Variants in WASHC5 observed in about 807,000 individuals in gnomAD.
WASHC5 encodes the protein WASH complex subunit strumpellin.
A neutral mutation model predicts 150.4 loss-of-function variants in WASHC5; 101 were observed. The observed-to-expected ratio is 0.67, with a 90% CI of 0.57 to 0.79. The LOEUF is 0.79. WASHC5 is among the 30% of genes least tolerant of loss of function. WASHC5 has a pLI of 0.00. For synonymous variants in WASHC5, 467 were observed against 491.2 expected, an observed-to-expected ratio of 0.95 and a Z score of 0.65; for missense variants, 1,195 against 1,396.3, an observed-to-expected ratio of 0.86 and a Z score of 2.30.
intron 1 of WASHC5, among the ~76,000 whole-genome samples, chr8:125,086,052 TA>T (rs1160486416): frequency 6.6e-6 from 1 of 152,170 alleles, no homozygotes; most frequent in Admixed American, 6.5e-5. Flanking sequence ...AGTCAGCCCA[TA>T]CAGCACCTTA....
Position 125,032,722 on chromosome 8 carries a change from C to T in WASHC5, c.3182-328G>A, listed in dbSNP as rs752645125. ...ATGTAAATGAGAAAAAAAATCACTA[C>T]AACTGACTTCTGTTAACGGCAGCAT... On this transcript the variant is annotated intron_variant, in intron 26 of 28. Coordinates refer to ENST00000318410, the MANE Select transcript of WASHC5 (RefSeq NM_014846.4). 8 of 350,774 alleles carry T rather than the reference C, an allele frequency of 2.3e-5. No homozygotes were observed. In the East Asian group the frequency reaches 2.8e-4, roughly 12 times the overall value. The allele number at this position is 350,774 out of a possible 1,614,324, so 21.7% of individuals were successfully genotyped here.
intron 28 of WASHC5, among the ~76,000 whole-genome samples, chr8:125,027,806 TAC>T (rs1264837453): frequency 6.6e-6 from 1 of 152,212 alleles, no homozygotes; most frequent in Admixed American, 6.5e-5. Flanking sequence ...TCTCAAATAA[TAC>T]AGAGTTTGTC....
chr8:125,055,085 T>C (rs1816367225), intron 17 of WASHC5, among the ~76,000 whole-genome samples: 1 of 152,100 alleles, frequency 6.6e-6, no homozygotes, highest in Admixed American at 6.5e-5. Flanking sequence ...CTTCAAGTAC[T>C]AAGAGAAATA....
At chr8:125,033,183 A>C (rs943490173) in intron 26 of WASHC5, among the ~76,000 whole-genome samples, 4 of 152,182 alleles carry the variant, frequency 2.6e-5, no homozygotes, top group African/African-American at 9.7e-5. Flanking sequence ...GTTGAAAAAG[A>C]ACAGTGTTGG....
intron 16 of WASHC5, among the ~76,000 whole-genome samples, 177 bp downstream of exon 16, chr8:125,056,500 A>C (rs2130084125): frequency 6.6e-6 from 1 of 152,332 alleles, no homozygotes. Flanking sequence ...GGAAAATGTC[A>C]AGAATAAAAG....
rs748416403 is a variant in WASHC5 at position 125,063,555 on chromosome 8, C to T, written c.1375G>A (p.Gly459Arg). 2.5e-6 allele frequency: 4 copies of T among 1,613,968 alleles called. No homozygotes were observed. Among genetic ancestry groups the T allele is most frequent in the South Asian group, 1.1e-5 (1 of 91,072 alleles). ...RMTELADVFS[G>R]VKPLTRVEKN... ...TCCACTCTGGTTAGGGGTTTCACTC[C>T]TGAAAAGACATCAGCAAGCTCAGTC... Residue 459 changes from glycine (G) to arginine (R), a missense_variant, in exon 11 of 29, where the codon GGA (glycine) becomes AGA (arginine). Coordinates refer to ENST00000318410, the MANE Select transcript of WASHC5 (RefSeq NM_014846.4).
chr8:125,057,482 G>A, intron 15 of WASHC5, 74 bp downstream of exon 15: 1 of 972,352 alleles, frequency 1.0e-6, no homozygotes, highest in South Asian at 1.4e-5. Flanking sequence ...CTTTTGGGGG[G>A]CCTAAGCATA....
At chr8:125,071,407 C>T (rs1383071141) in intron 9 of WASHC5, among the ~76,000 whole-genome samples, 1 of 152,206 alleles carries the variant, frequency 6.6e-6, no homozygotes, top group Non-Finnish European at 1.5e-5. Flanking sequence ...GAGACCATGA[C>T]TCATAAAAAG....
chr8:125,075,204 A>G (rs1434350558), intron 7 of WASHC5, 93 bp from the exon 8 acceptor site: 1 of 811,188 alleles, frequency 1.2e-6, no homozygotes, highest in Non-Finnish European at 2.2e-6. Flanking sequence ...TACCCACTCC[A>G]TGTTTAAATT....
rs544165922 is a variant in WASHC5 at position 125,068,144 on chromosome 8, C to T, written c.1151-425G>A. The stretch of plus-strand genomic sequence containing the variant: ...CTGCCATTCAGTAACGGACTGCTAT[C>T]CCTAGAGAGGCCTGTTTGCAAGGTT... On this transcript the variant is annotated intron_variant, in intron 9 of 28. Transcript: ENST00000318410. Among the ~76,000 whole-genome samples the T allele has an allele frequency of 3.9e-5, 6 of 152,270 alleles. No individual in the cohort carries two copies. In the South Asian group the frequency reaches 1.2e-3, roughly 32 times the overall value.
intron 7 of WASHC5, among the ~76,000 whole-genome samples, chr8:125,075,656 C>T (rs1817034418): frequency 6.6e-6 from 1 of 152,186 alleles, no homozygotes; most frequent in Non-Finnish European, 1.5e-5. Flanking sequence ...GGAACCACCA[C>T]TTCCTAATGT....
chr8:125,077,885 A>G (rs756195593), intron 6 of WASHC5, among the ~76,000 whole-genome samples: 3 of 152,052 alleles, frequency 2.0e-5, no homozygotes, highest in Admixed American at 1.3e-4. Flanking sequence ...GTAGCTTCTG[A>G]TTTTGAATTG....
chr8:125,055,794 G>T, intron 16 of WASHC5, 123 bp from the exon 17 acceptor site: 1 of 734,180 alleles, frequency 1.4e-6, no homozygotes, highest in East Asian at 2.5e-5. Flanking sequence ...ACAGAAATGA[G>T]GCTCTGTGGT....
intron 28 of WASHC5, among the ~76,000 whole-genome samples, chr8:125,025,854 A>G (rs971131177): frequency 1.3e-5 from 2 of 152,002 alleles, no homozygotes; most frequent in Non-Finnish European, 2.9e-5. Flanking sequence ...ACACACACAC[A>G]CACAATCAAA....
intron 24 of WASHC5, 58 bp downstream of exon 24, chr8:125,039,737 T>A: frequency 9.0e-7 from 1 of 1,116,260 alleles, no homozygotes. Context: ...GAAACTGGGG[T>A]GCGTAGATAA....
chr8:125,059,098 T>C, intron 14 of WASHC5, 124 bp downstream of exon 14: 1 of 743,292 alleles, frequency 1.3e-6, no homozygotes, highest in East Asian at 2.7e-5. Context: ...AATTTCAGTC[T>C]ATAAAAATAT....
intron 23 of WASHC5, among the ~76,000 whole-genome samples, chr8:125,041,795 T>C (rs771139836): frequency 1.3e-5 from 2 of 152,208 alleles, no homozygotes; most frequent in Non-Finnish European, 2.9e-5. Context: ...GTGAAAAACG[T>C]CAATCCAAAA....
chr8:125,033,959 A>G (rs1377832977), intron 26 of WASHC5, among the ~76,000 whole-genome samples: 2 of 152,232 alleles, frequency 1.3e-5, no homozygotes, highest in African/African-American at 2.4e-5. Context: ...ACCAGTAAAA[A>G]AATACATAGA....
At position 125,038,769 on chromosome 8, in the gene WASHC5, T is replaced by C. The variant is rs1345960832; in HGVS notation, c.3084+61A>G. On this transcript the variant is annotated intron_variant, in intron 25 of 28. Coordinates refer to ENST00000318410, the MANE Select transcript of WASHC5 (RefSeq NM_014846.4). ...CTGGTATTTCTGCACAGTAATCTGT[T>C]ACCTGGGCCAAATACCATTCTGTAC... is the stretch of plus-strand genomic sequence containing the variant. 50 of 1,598,814 alleles carry C rather than the reference T, an allele frequency of 3.1e-5. No homozygotes were observed. In the East Asian group the frequency reaches 1.1e-3, roughly 35 times the overall value.
Sources: gnomAD v4.1 joint callset for allele counts (sites outside exome capture counted in the v4.1 genomes callset) on GRCh38, gnomAD v4.1.1 for gene constraint, MANE v1.5 for transcripts, NCBI Gene and HGNC (gene_info 2026-07-23, HGNC 2026-07-21) for gene names.